The following CSF2RB variants were observed in gnomAD, a reference collection of about 807,000 sequenced individuals.
The protein encoded by CSF2RB is colony stimulating factor 2 receptor subunit beta, also known as cytokine receptor common subunit beta.
Under a neutral mutation model 67.2 loss-of-function variants are expected in CSF2RB, and 22 were observed. The observed-to-expected ratio is 0.33, with a 90% confidence interval of 0.23 to 0.47. The LOEUF (loss-of-function observed/expected upper bound fraction) is 0.47, where lower values mean the gene tolerates loss of function less well. CSF2RB is among the 20% of genes least tolerant of loss of function. The pLI, the probability that CSF2RB is intolerant of heterozygous loss-of-function variation, is 1.00. For synonymous variants in CSF2RB, 507 were observed against 482.9 expected (o/e 1.05, Z -0.65); for missense variants, 1,113 against 1,174.5 (o/e 0.95, Z 0.76).
chr22:36,939,190 T>C lies in CSF2RB; in HGVS notation c.*688T>C, dbSNP rs1237289446. 1 of 702,312 alleles carries C rather than the reference T, an allele frequency of 1.4e-6. No homozygotes were observed. The highest frequency in any genetic ancestry group is 1.5e-5 in the South Asian group (1 of 67,586). 43.5% of individuals were successfully genotyped at this position (702,312 alleles called of 1,614,324 possible). A position where few individuals can be genotyped will look rare whatever the true frequency, so the allele number is the denominator to read the frequency against. ...CTGTTTGGGAGCTTCTGGGGAGCCC[T>C]GCTAGTTGTCTCAGTGATGTCTGTG... On this transcript the variant is annotated 3_prime_UTR_variant, in exon 14 of 14. Coordinates refer to ENST00000403662, the MANE Select transcript of CSF2RB (RefSeq NM_000395.3).
Position 36,940,123 on chromosome 22 carries a change from A to T in CSF2RB, c.*1621A>T, listed in dbSNP as rs1479415790. 6.6e-6 allele frequency: 1 copy of T among 152,142 alleles called. No homozygotes were observed. The highest frequency in any genetic ancestry group is 1.9e-4 in the East Asian group (1 of 5,204). 9.4% of individuals were successfully genotyped at this position (152,142 alleles called of 1,614,324 possible). The stretch of plus-strand genomic sequence containing the variant: ...CCTATTTTGTTACCTTGCTTTCTCT[A>T]TGGCATCCACCATTTTGATTGTTCT... On this transcript the variant is annotated 3_prime_UTR_variant, in exon 14 of 14. Transcript: ENST00000403662.
At chr22:36,915,304 C>T (rs1302557278) in intron 1 of CSF2RB, among the ~76,000 whole-genome samples, 2 of 151,932 alleles carry the variant, frequency 1.3e-5, no homozygotes, top group Non-Finnish European at 2.9e-5. Flanking sequence ...AGGCTGGTCT[C>T]GAACTCCTGA....
Position 36,935,443 on chromosome 22 carries a change from T to A in CSF2RB, c.1406+2T>A. On this transcript the variant is annotated splice_donor_variant, in intron 11 of 13. Transcript: ENST00000403662. LOFTEE classifies it high-confidence loss of function. ...CTTCTGTGGCATCTACGGGTACAGG[T>A]GAGGGGACTCTGTGGGGCTGGAGGT... is the stretch of plus-strand genomic sequence containing the variant. 1 of 1,614,036 alleles carries A rather than the reference T, an allele frequency of 6.2e-7. No individual in the cohort carries two copies. Among genetic ancestry groups the A allele is most frequent in the Non-Finnish European group, 8.5e-7 (1 of 1,179,964 alleles).
At chr22:36,928,723 C>T (rs1004458690) in intron 4 of CSF2RB, among the ~76,000 whole-genome samples, 1 of 152,202 alleles carries the variant, frequency 6.6e-6, no homozygotes, top group Non-Finnish European at 1.5e-5. Flanking sequence ...CATTCATTCA[C>T]TCATTCACCT....
At chr22:36,936,766 A>G in intron 13 of CSF2RB, 114 bp downstream of exon 13, 1 of 889,596 alleles carries the variant, frequency 1.1e-6, no homozygotes, top group East Asian at 2.7e-5. Context: ...GAAGGGATCC[A>G]AGGGAGCTGG....
In CSF2RB at chr22:36,922,049, A is replaced by T; in HGVS notation, c.-159A>T. 1.5e-6 allele frequency: 1 copy of T among 656,104 alleles called. No individual in the cohort carries two copies. Among genetic ancestry groups the T allele is most frequent in the Non-Finnish European group, 2.7e-6 (1 of 366,202 alleles). 40.6% of individuals were successfully genotyped at this position (656,104 alleles called of 1,614,324 possible). ...CTCCTTCTGCAGGCCTGGAGGAGGC[A>T]GAGGCCAGGAGGGAGAGGTCCCAAG... On this transcript the variant is annotated 5_prime_UTR_variant, in exon 2 of 14. Coordinates refer to ENST00000403662, the MANE Select transcript of CSF2RB (RefSeq NM_000395.3).
rs1292319122 is a variant in CSF2RB at position 36,929,677 on chromosome 22, C to T, written c.588C>T (p.Thr196=). ...TCCTCTCCAACACCTCCCAGGCCACCCTGGGGCCAGAGCACCTCATGCCCA... is the reference window on the plus strand; with the variant it reads ...TCCTCTCCAACACCTCCCAGGCCACTCTGGGGCCAGAGCACCTCATGCCCA... ...AILLSNTSQA[T]LGPEHLMPSS... is the part of the protein sequence containing the mutation. The change falls in exon 6 of 14, where the codon ACC becomes ACT. Residue 196 remains threonine, a synonymous_variant. Transcript: ENST00000403662. The T allele has an allele frequency of 1.2e-6, 2 of 1,614,206 alleles. No homozygotes were observed. Among genetic ancestry groups the T allele is most frequent in the Middle Eastern group, 1.6e-4 (1 of 6,062 alleles).
intron 4 of CSF2RB, among the ~76,000 whole-genome samples, chr22:36,927,724 G>T (rs1198732592): frequency 6.6e-6 from 1 of 152,200 alleles, no homozygotes; most frequent in Non-Finnish European, 1.5e-5. Context: ...ATCAGATGTG[G>T]ATGTGAGAAT....
intron 10 of CSF2RB, among the ~76,000 whole-genome samples, chr22:36,934,694 G>A (rs541583726): frequency 2.6e-5 from 4 of 152,294 alleles, no homozygotes; most frequent in East Asian, 1.9e-4. Context: ...ACCACCAGGC[G>A]ACTCCCGCAG....
intron 2 of CSF2RB, chr22:36,922,489 A>T: frequency 1.6e-6 from 1 of 608,336 alleles, no homozygotes; most frequent in Middle Eastern, 4.3e-4. Flanking sequence ...AGTCCAGCTG[A>T]GCGTGTCTGG....
chr22:36,935,319 T>G, intron 10 of CSF2RB, 32 bp from the exon 11 acceptor site: 31 of 1,608,648 alleles, frequency 1.9e-5, no homozygotes, highest in Non-Finnish European at 2.4e-5. Flanking sequence ...GCCCAGATGC[T>G]GACATTCCTC....
At chr22:36,925,288 G>A (rs1286931269) in intron 3 of CSF2RB, among the ~76,000 whole-genome samples, 2 of 152,158 alleles carry the variant, frequency 1.3e-5, no homozygotes, top group Non-Finnish European at 2.9e-5. Context: ...TGACCACCCT[G>A]TTGCACGCCA....
chr22:36,938,323 C>T lies in CSF2RB; in HGVS notation c.2515C>T (p.Pro839Ser), dbSNP rs1008678561. The change falls in exon 14 of 14, where the codon CCT becomes TCT. Residue 839 changes from proline to serine, a missense_variant. Coordinates refer to ENST00000403662, the MANE Select transcript of CSF2RB (RefSeq NM_000395.3). ...GPGPLSLRSK[P>S]SSPGPGPEIK... Reference sequence around the variant, plus strand: ...CGGCCCTCTCTCGCTCCGGAGTAAACCTTCTTCCCCGGGACCCGGTCCTGA... The same window carrying T: ...CGGCCCTCTCTCGCTCCGGAGTAAATCTTCTTCCCCGGGACCCGGTCCTGA... 5.0e-6 allele frequency: 8 copies of T among 1,614,078 alleles called. No homozygotes were observed. Among genetic ancestry groups the T allele is most frequent in the East Asian group, 4.5e-5 (2 of 44,894 alleles).
chr22:36,926,109 T>G lies in CSF2RB; in HGVS notation c.323T>G (p.Val108Gly). Residue 108 changes from valine (V) to glycine (G), a missense_variant, in exon 4 of 14, where the codon GTT becomes GGT. Coordinates refer to ENST00000403662, the MANE Select transcript of CSF2RB (RefSeq NM_000395.3). ...TGCCAGAGTTTTGTCGTCACTGACGTTGACTACTTCTCATTCCAACCAGAC... is the reference window on the plus strand; with the variant it reads ...TGCCAGAGTTTTGTCGTCACTGACGGTGACTACTTCTCATTCCAACCAGAC... ...IPCQSFVVTD[V>G]DYFSFQPDRP... The G allele has an allele frequency of 6.2e-7, 1 of 1,614,202 alleles. No homozygotes were observed. The highest frequency in any genetic ancestry group is 8.5e-7 in the Non-Finnish European group (1 of 1,180,042).
chr22:36,932,900 G>A lies in CSF2RB; in HGVS notation c.1148G>A (p.Trp383Ter). The A allele has an allele frequency of 6.2e-7, 1 of 1,614,076 alleles. No homozygotes were observed. The highest frequency in any genetic ancestry group is 8.5e-7 in the Non-Finnish European group (1 of 1,180,026). The change falls in exon 9 of 14, where the codon TGG becomes TAG. Residue 383 changes from tryptophan (W) to a stop codon, truncating the protein, a stop_gained. Coordinates refer to ENST00000403662, the MANE Select transcript of CSF2RB (RefSeq NM_000395.3). LOFTEE classifies it high-confidence loss of function. ...EIQYRKDTAT[W>*]KDSKTETLQN... ...CAGTACAGGAAAGACACGGCCACGT[G>A]GAAGGTGAGGGCCTTTGCCCAGGGA...
chr22:36,932,923 G>A lies in CSF2RB; in HGVS notation c.1152+19G>A, dbSNP rs1442069390. ...GTGGAAGGTGAGGGCCTTTGCCCAG[G>A]GAGGGGAGAAACACTGGGGAGGGCG... On this transcript the variant is annotated intron_variant, in intron 9 of 13. Coordinates refer to ENST00000403662, the MANE Select transcript of CSF2RB (RefSeq NM_000395.3). 1.2e-6 allele frequency: 2 copies of A among 1,613,660 alleles called. No homozygotes were observed. The highest frequency in any genetic ancestry group is 1.3e-5 in the African/African-American group (1 of 75,072).
Position 36,937,266 on chromosome 22 carries a change from G to A in CSF2RB, c.1569-111G>A. The A allele has an allele frequency of 1.5e-6, 2 of 1,348,538 alleles. No homozygotes were observed. Among genetic ancestry groups the A allele is most frequent in the East Asian group, 4.6e-5 (2 of 43,060 alleles). The allele number at this position is 1,348,538 out of a possible 1,614,324, so 83.5% of individuals were successfully genotyped here. A position where few individuals can be genotyped will look rare whatever the true frequency, so the allele number is the denominator to read the frequency against. On this transcript the variant is annotated intron_variant, in intron 13 of 13. Coordinates refer to ENST00000403662, the MANE Select transcript of CSF2RB (RefSeq NM_000395.3). This position sits in a 1 kb window ranked among gnomAD's most constrained non-coding sequence, Gnocchi z 4.6. Reference sequence around the variant, plus strand: ...TTCAGGTTCTCTCTGTGAGATCTGGGGGACATCAGGGCTTCCAGAGAACCA... The same window carrying A: ...TTCAGGTTCTCTCTGTGAGATCTGGAGGACATCAGGGCTTCCAGAGAACCA...
chr22:36,929,730 C>T lies in CSF2RB; in HGVS notation c.641C>T (p.Thr214Ile). The part of the protein sequence containing the change: ...PSSTYVARVR[T>I]RLAPGSRLSG... ...AGCACCTACGTGGCCCGAGTACGGA[C>T]CCGCCTGGCCCCAGGTTCTCGGCTC... The change falls in exon 6 of 14, where the codon ACC becomes ATC. Residue 214 changes from threonine to isoleucine, a missense_variant. Around this residue, in one of 2 missense-constraint regions of CSF2RB, gnomAD observed 559 missense variants for 656.5 expected, o/e 0.85. Transcript: ENST00000403662. 2 of 1,614,218 alleles carry T rather than the reference C, an allele frequency of 1.2e-6. No homozygotes were observed. Among genetic ancestry groups the T allele is most frequent in the Admixed American group, 1.7e-5 (1 of 60,032 alleles).
rs1178946968 is a variant in CSF2RB, at chr22:36,938,212, G to A, written c.2404G>A (p.Asp802Asn). The A allele has an allele frequency of 6.2e-7, 1 of 1,614,154 alleles. No homozygotes were observed. The highest frequency in any genetic ancestry group is 8.5e-7 in the Non-Finnish European group (1 of 1,180,006). Reference protein sequence around the residue: ...PVLNPGERPADVSPTSPQPEG... With the variant: ...PVLNPGERPANVSPTSPQPEG... ...CCTGAACCCAGGGGAACGCCCGGCAGATGTGTCCCCAACATCCCCACAGCC... is the reference window on the plus strand; with the variant it reads ...CCTGAACCCAGGGGAACGCCCGGCAAATGTGTCCCCAACATCCCCACAGCC... The change falls in exon 14 of 14, where the codon GAT becomes AAT. Residue 802 changes from aspartate (D) to asparagine (N), a missense_variant. Asp to Asn is a conservative substitution (Grantham distance 23, BLOSUM62 1). Transcript: ENST00000403662.
Sources: gnomAD v4.1 joint callset for allele counts (sites outside exome capture counted in the v4.1 genomes callset) on GRCh38, gnomAD v4.1.1 for gene constraint, gnomAD v4.1.1 regional missense constraint, Gnocchi (gnomAD v3.1) non-coding constraint, MANE v1.5 for transcripts, NCBI Gene and HGNC (gene_info 2026-07-23, HGNC 2026-07-21) for gene names.